ADGRL2: variants seen among roughly 807,000 people sequenced by gnomAD.
The protein encoded by ADGRL2 is adhesion G protein-coupled receptor L2.
In ADGRL2, 44 loss-of-function variants were observed where a neutral mutation model predicts 157.4. The observed-to-expected ratio is 0.28, with a 90% CI of 0.22 to 0.36. The LOEUF is 0.36. Ranked by LOEUF, ADGRL2 falls within the 10% of genes least tolerant of loss-of-function variation. ADGRL2 has a pLI of 1.00. For missense variants in ADGRL2, 1,510 were observed against 1,768.9 expected (o/e 0.85, Z 2.63); for synonymous variants, 585 against 624.7 (o/e 0.94, Z 0.95).
intron 1 of ADGRL2, among the ~76,000 whole-genome samples, chr1:81,705,339 T>G (rs2149049459): frequency 6.6e-6 from 1 of 152,264 alleles, no homozygotes; most frequent in South Asian, 2.1e-4. Flanking sequence ...CCCTGTGTAT[T>G]ATTTTTCTGG....
intron 2 of ADGRL2, among the ~76,000 whole-genome samples, chr1:81,492,590 G>A (rs1376439950): frequency 2.0e-5 from 3 of 152,138 alleles, no homozygotes; most frequent in African/African-American, 7.2e-5. Flanking sequence ...GTTTCTAATT[G>A]TTGAAAATCA....
Position 81,527,806 on chromosome 1 carries a change from G to A in ADGRL2, c.-247-53070G>A, listed in dbSNP as rs1385954768. 9.2e-5 allele frequency among the ~76,000 whole-genome samples: 14 copies of A among 152,240 alleles called. No individual in the cohort carries two copies. The South Asian group carries it at 2.9e-3, about 32-fold the overall frequency. ...CTTCTGGCCAGGCAAGGTGGCTCACGCCTGTAATCCCAGCATTTTGGGAGG... is the reference window on the plus strand; with the variant it reads ...CTTCTGGCCAGGCAAGGTGGCTCACACCTGTAATCCCAGCATTTTGGGAGG... On this transcript the variant is annotated intron_variant, in intron 2 of 24. Coordinates refer to the ADGRL2 transcript ENST00000370721.
chr1:81,657,637 G>A (rs1311718017), intron 3 of ADGRL2, among the ~76,000 whole-genome samples: 4 of 152,064 alleles, frequency 2.6e-5, no homozygotes, highest in Non-Finnish European at 5.9e-5. Flanking sequence ...GTGTGTGTGT[G>A]CATGTATGTG....
intron 3 of ADGRL2, among the ~76,000 whole-genome samples, chr1:81,668,811 C>A (rs372730802): frequency 5.3e-5 from 8 of 152,026 alleles, no homozygotes; most frequent in African/African-American, 1.9e-4. Flanking sequence ...CACTAGTGAT[C>A]TGCCCACCTC....
chr1:81,538,694 A>G (rs1398177016), intron 2 of ADGRL2, among the ~76,000 whole-genome samples: 1 of 152,154 alleles, frequency 6.6e-6, no homozygotes, highest in Non-Finnish European at 1.5e-5. Flanking sequence ...ATGACAATTC[A>G]GTAAAATTTG....
chr1:81,545,957 T>G (rs929231897), intron 2 of ADGRL2, among the ~76,000 whole-genome samples: 8 of 152,166 alleles, frequency 5.3e-5, no homozygotes, highest in Admixed American at 2.0e-4. Flanking sequence ...GAGCCCGTGC[T>G]CTCTCTGCTG....
In ADGRL2 at chr1:81,570,980, T is replaced by C. The variant is rs141999345; in HGVS notation, c.-247-9896T>C. 2.3e-3 allele frequency among the ~76,000 whole-genome samples: 355 copies of C among 152,192 alleles called. 2 individuals carry two copies. The highest frequency in any genetic ancestry group is 7.9e-3 in the African/African-American group (329 of 41,532). ...AATATCAAAGCAGTCATAAACAATA[T>C]TAAGTGAATAGGCATGACTGTATTC... On this transcript the variant is annotated intron_variant, in intron 2 of 24. Coordinates refer to the ADGRL2 transcript ENST00000370721.
intron 3 of ADGRL2, among the ~76,000 whole-genome samples, chr1:81,932,216 A>G (rs2095243657): frequency 6.6e-6 from 1 of 152,188 alleles, no homozygotes; most frequent in Non-Finnish European, 1.5e-5. Context: ...GTGTTTCGTT[A>G]GCACATTTTT....
At chr1:81,982,762 A>G (rs1398820035) in intron 19 of ADGRL2, among the ~76,000 whole-genome samples, 1 of 151,970 alleles carries the variant, frequency 6.6e-6, no homozygotes, top group Non-Finnish European at 1.5e-5. Context: ...ATAAGCTATA[A>G]TTTTGAGATA....
At chr1:81,505,633 C>A (rs2078956997) in intron 2 of ADGRL2, among the ~76,000 whole-genome samples, 1 of 149,756 alleles carries the variant, frequency 6.7e-6, no homozygotes, top group African/African-American at 2.5e-5. Context: ...TCAGCCAGGG[C>A]AGCTCTGTCC....
intron 1 of ADGRL2, among the ~76,000 whole-genome samples, chr1:81,743,583 G>A (rs1022415439): frequency 1.3e-5 from 2 of 151,976 alleles, no homozygotes; most frequent in African/African-American, 4.8e-5. Flanking sequence ...GCAAACCTAA[G>A]TGCATTAGAA....
rs547874254 is a variant in ADGRL2 at position 81,493,051 on chromosome 1, CT to C, written c.-248+47967del. Among the ~76,000 whole-genome samples the C allele has an allele frequency of 1.6e-3, 236 of 152,202 alleles. 1 individual carries two copies. Among genetic ancestry groups the C allele is most frequent in the Non-Finnish European group, 3.4e-4 (23 of 67,978 alleles). ...GACAAAACCTGAAAGAAGAAAACTC[CT>C]TTTTAAAAAACAATGTAACTCAGTC... On this transcript the variant is annotated intron_variant, in intron 2 of 24. Transcript: ENST00000370721.
At chr1:81,800,635 CGCTTCGCGGCGCTCT>C (rs1404670642), upstream of ADGRL2, 3 of 152,066 alleles carry the variant, frequency 2.0e-5, no homozygotes, top group Non-Finnish European at 4.4e-5. Flanking sequence ...CGGAGCGCCG[CGCTTCGCGGCGCTCT>C]CCCAAATACT....
At chr1:81,504,846 G>T (rs1173130852) in intron 2 of ADGRL2, among the ~76,000 whole-genome samples, 10 of 152,186 alleles carry the variant, frequency 6.6e-5, no homozygotes, top group Admixed American at 6.5e-4. Context: ...CTTGCCAGAG[G>T]TTGAGCCGCC....
rs543492861 is a variant in ADGRL2, at chr1:81,557,440, A to T, written c.-247-23436A>T. 24 of 131,886 alleles carry T rather than the reference A, an allele frequency of 1.8e-4. 1 individual carries two copies. The highest frequency in any genetic ancestry group is 6.3e-4 in the African/African-American group (23 of 36,450). The allele number at this position is 131,886 out of a possible 1,614,324, so 8.2% of individuals were successfully genotyped here. On this transcript the variant is annotated intron_variant, in intron 2 of 24. Transcript: ENST00000370721. ...GAGAAAGAGAGAGAGAAAAAGAAAG[A>T]AAGAAAGAGAGAAAGAAAGAAAGAA...
At chr1:81,563,461 C>T (rs76702176) in intron 2 of ADGRL2, among the ~76,000 whole-genome samples, 3,802 of 152,058 alleles carry the variant, frequency 0.025, 76 homozygotes, top group East Asian at 0.038. Context: ...AGAGAGGAGA[C>T]AAAGAAAACT....
At chr1:81,552,803 A>C (rs1164765189) in intron 2 of ADGRL2, among the ~76,000 whole-genome samples, 1 of 152,196 alleles carries the variant, frequency 6.6e-6, no homozygotes, top group African/African-American at 2.4e-5. Context: ...TGTACTACAC[A>C]ATCTGTATTG....
At chr1:81,510,197 C>T (rs1446571017) in intron 2 of ADGRL2, among the ~76,000 whole-genome samples, 3 of 152,106 alleles carry the variant, frequency 2.0e-5, no homozygotes, top group Non-Finnish European at 2.9e-5. Context: ...ATAATTATTA[C>T]TTACAGAGCT....
chr1:81,348,243 C>G (rs888795541), intron 1 of ADGRL2, among the ~76,000 whole-genome samples: 2 of 152,190 alleles, frequency 1.3e-5, no homozygotes, highest in African/African-American at 4.8e-5. Context: ...AGCTAAGAGT[C>G]TCTAAAATGC....
Sources: gnomAD v4.1 joint callset for allele counts (sites outside exome capture counted in the v4.1 genomes callset) on GRCh38, gnomAD v4.1.1 for gene constraint, MANE v1.5 for transcripts, NCBI Gene and HGNC (gene_info 2026-07-23, HGNC 2026-07-21) for gene names.